The following TADA3 variants were observed in gnomAD, a reference collection of about 807,000 sequenced individuals.
TADA3 encodes the protein transcriptional adaptor 3.
A neutral mutation model predicts 43.2 loss-of-function variants in TADA3; 25 were observed. The observed-to-expected ratio is 0.58, with a 90% CI of 0.42 to 0.81. TADA3 has a LOEUF of 0.81. TADA3 is among the 30% of genes least tolerant of loss of function. The probability of loss-of-function intolerance (pLI) is 0.00; values close to 1 mark genes in which losing one functional copy is unlikely to be tolerated. For missense variants in TADA3, 441 were observed against 567.8 expected, an observed-to-expected ratio of 0.78 and a Z score of 2.27; for synonymous variants, 235 against 225.5, an observed-to-expected ratio of 1.04 and a Z score of -0.38.
At chr3:9,787,528 G>A (rs1158618543) in intron 4 of TADA3, 188 bp from the exon 5 acceptor site, 14 of 1,011,382 alleles carry the variant, frequency 1.4e-5, no homozygotes, top group Non-Finnish European at 2.0e-5. Context: ...AGGGAGACAG[G>A]TCCAAAAAGA....
intron 7 of TADA3, among the ~76,000 whole-genome samples, chr3:9,784,432 A>G (rs1056404657): frequency 1.3e-5 from 2 of 152,202 alleles, no homozygotes; most frequent in East Asian, 1.9e-4. Flanking sequence ...GGAAAAACCC[A>G]TAATGCCAAC....
In TADA3 at chr3:9,780,304, G is replaced by A; in HGVS notation, c.*53C>T. The A allele has an allele frequency of 6.5e-7, 1 of 1,535,464 alleles. No homozygotes were observed. Among genetic ancestry groups the A allele is most frequent in the Non-Finnish European group, 8.8e-7 (1 of 1,134,884 alleles). On this transcript the variant is annotated 3_prime_UTR_variant, in exon 9 of 9. Transcript: ENST00000301964. The stretch of plus-strand genomic sequence containing the variant: ...TTCCTGTGCCCAAAGAAGGAAGTGG[G>A]CCTCCCTTCCCCTCCCCTAGGCCAG...
chr3:9,789,707 C>G lies in TADA3; in HGVS notation c.458+6G>C. On this transcript the variant is annotated splice_donor_region_variant and intron_variant, in intron 3 of 8. Coordinates refer to ENST00000301964, the MANE Select transcript of TADA3 (RefSeq NM_006354.5). ...AGGCCCCCTTCTATGTTCTCTAGCC[C>G]AGAACCTGTTGGGGGCATCATTTTT... 1 of 1,611,684 alleles carries G rather than the reference C, an allele frequency of 6.2e-7. No homozygotes were observed. The highest frequency in any genetic ancestry group is 8.5e-7 in the Non-Finnish European group (1 of 1,178,150).
intron 4 of TADA3, 89 bp downstream of exon 4, chr3:9,789,420 G>T: frequency 8.2e-7 from 1 of 1,224,396 alleles, no homozygotes. Context: ...GGGGAAGGAA[G>T]ATGATGCATG....
rs767370091 is a variant in TADA3, at chr3:9,787,763, GA to G, written c.565-424del. The G allele has an allele frequency of 4.7e-5, 58 of 1,236,624 alleles. No individual in the cohort carries two copies. The East Asian group carries it at 2.6e-3, about 55-fold the overall frequency. 76.6% of individuals were successfully genotyped at this position (1,236,624 alleles called of 1,614,324 possible). A position where few individuals can be genotyped will look rare whatever the true frequency, so the allele number is the denominator to read the frequency against. The stretch of plus-strand genomic sequence containing the variant: ...AAGAAATCAGATAAGTGAAGTGAAA[GA>G]GAGAGATCAAAGTGTTGTGGCAGCA... On this transcript the variant is annotated intron_variant, in intron 4 of 8. Transcript: ENST00000301964.
intron 4 of TADA3, among the ~76,000 whole-genome samples, chr3:9,788,492 G>A (rs561440507): frequency 1.0e-4 from 15 of 150,626 alleles, no homozygotes; most frequent in East Asian, 3.9e-4. Flanking sequence ...TGATCTGCCC[G>A]CCTCGGCCTC....
intron 7 of TADA3, among the ~76,000 whole-genome samples, chr3:9,785,088 C>T (rs902330199): frequency 2.6e-4 from 39 of 152,196 alleles, no homozygotes; most frequent in African/African-American, 8.9e-4. Context: ...CATTCCCCTT[C>T]AGCAGGACAT....
intron 8 of TADA3, among the ~76,000 whole-genome samples, chr3:9,780,956 T>C (rs975552503): frequency 2.0e-5 from 3 of 151,962 alleles, no homozygotes; most frequent in East Asian, 1.9e-4. Context: ...CTGAGCAACA[T>C]AGTGAGACTG....
chr3:9,786,889 G>A, intron 6 of TADA3, 117 bp downstream of exon 6: 1 of 921,888 alleles, frequency 1.1e-6, no homozygotes, highest in Non-Finnish European at 1.7e-6. Context: ...TTTTACTTTT[G>A]CACCAACCTA....
At position 9,789,699 on chromosome 3, in the gene TADA3, C is replaced by A; in HGVS notation, c.458+14G>T. 1 of 1,610,940 alleles carries A rather than the reference C, an allele frequency of 6.2e-7. No homozygotes were observed. The highest frequency in any genetic ancestry group is 8.5e-7 in the Non-Finnish European group (1 of 1,177,732). On this transcript the variant is annotated intron_variant, in intron 3 of 8. Transcript: ENST00000301964. ...GAACCTTGAGGCCCCCTTCTATGTT[C>A]TCTAGCCCAGAACCTGTTGGGGGCA...
upstream of TADA3, chr3:9,792,997 C>G: frequency 6.8e-7 from 1 of 1,478,294 alleles, no homozygotes; most frequent in South Asian, 1.3e-5. Flanking sequence ...CTACCCCGCT[C>G]GGAGCATAGA....
intron 8 of TADA3, among the ~76,000 whole-genome samples, chr3:9,782,566 T>A (rs1269994382): frequency 2.0e-5 from 3 of 152,240 alleles, no homozygotes; most frequent in African/African-American, 7.2e-5. Flanking sequence ...CTGCTAGTAA[T>A]CTGCAAGTCC....
At chr3:9,785,003 TTCTC>T (rs1202415468) in intron 7 of TADA3, among the ~76,000 whole-genome samples, 2 of 152,246 alleles carry the variant, frequency 1.3e-5, no homozygotes, top group Non-Finnish European at 2.9e-5. Flanking sequence ...TTAACTATAT[TTCTC>T]TATACTTGCA....
intron 8 of TADA3, chr3:9,781,436 A>G: frequency 4.5e-6 from 2 of 440,990 alleles, no homozygotes; most frequent in Admixed American, 4.7e-5. Flanking sequence ...AGATGATCCC[A>G]GGATCCCACA....
rs866746296 is a variant in TADA3, at chr3:9,780,400, G to A, written c.1256C>T (p.Thr419Ile). Residue 419 changes from threonine (T) to isoleucine (I), a missense_variant, in exon 9 of 9, where the codon ACT (threonine) becomes ATT (isoleucine). Physicochemically the swap from Thr to Ile is moderately conservative, Grantham distance 89. Coordinates refer to ENST00000301964, the MANE Select transcript of TADA3 (RefSeq NM_006354.5). ...TKKEKDQAWK[T>I]LKERESILKL... Reference sequence around the variant, plus strand: ...CAGGATGCTCTCACGCTCCTTCAGAGTCTTCCAGGCCTGGTCCTTTTCTTT... The same window carrying A: ...CAGGATGCTCTCACGCTCCTTCAGAATCTTCCAGGCCTGGTCCTTTTCTTT... The A allele has an allele frequency of 6.2e-7, 1 of 1,613,704 alleles. No homozygotes were observed. Among genetic ancestry groups the A allele is most frequent in the Non-Finnish European group, 8.5e-7 (1 of 1,179,994 alleles).
intron 7 of TADA3, among the ~76,000 whole-genome samples, chr3:9,784,855 A>T (rs938000267): frequency 5.3e-5 from 8 of 150,058 alleles, no homozygotes; most frequent in Non-Finnish European, 1.2e-4. Context: ...CAAGAGCGAG[A>T]CTCCATCTCA....
Position 9,780,236 on chromosome 3 carries a change from T to C in TADA3, c.*121A>G. On this transcript the variant is annotated 3_prime_UTR_variant, in exon 9 of 9. Transcript: ENST00000301964. ...GACCTCAGGGGAAGGGCCACGGCCC[T>C]CTAGAGACTGCCGCCATTTGAGGGA... is the stretch of plus-strand genomic sequence containing the variant. 9.0e-7 allele frequency: 1 copy of C among 1,107,720 alleles called. No individual in the cohort carries two copies. Among genetic ancestry groups the C allele is most frequent in the Non-Finnish European group, 1.3e-6 (1 of 781,024 alleles). 68.6% of individuals were successfully genotyped at this position (1,107,720 alleles called of 1,614,324 possible). A position where few individuals can be genotyped will look rare whatever the true frequency, so the allele number is the denominator to read the frequency against.
chr3:9,783,865 A>G, intron 8 of TADA3, 163 bp downstream of exon 8: 1 of 1,255,716 alleles, frequency 8.0e-7, no homozygotes, highest in Non-Finnish European at 1.1e-6. Context: ...TTTGTTTGGG[A>G]CATACCCGGT....
intron 7 of TADA3, 127 bp from the exon 8 acceptor site, chr3:9,784,340 A>G: frequency 8.2e-7 from 1 of 1,225,970 alleles, no homozygotes; most frequent in Non-Finnish European, 1.1e-6. Flanking sequence ...CTCTGTATCT[A>G]TCCAGATACA....
Sources: gnomAD v4.1 joint callset for allele counts (sites outside exome capture counted in the v4.1 genomes callset) on GRCh38, gnomAD v4.1.1 for gene constraint, MANE v1.5 for transcripts, NCBI Gene and HGNC (gene_info 2026-07-23, HGNC 2026-07-21) for gene names.